Variants in SPIN1 observed in about 807,000 individuals in gnomAD.
The protein encoded by SPIN1 is spindlin-1.
In SPIN1, 3 loss-of-function variants were observed where a neutral mutation model predicts 26.0. The ratio of observed to expected loss-of-function variants is 0.12; its 90% CI spans 0.05 to 0.30. The LOEUF is 0.30. SPIN1 is among the 10% of genes least tolerant of loss of function. The probability of loss-of-function intolerance (pLI) is 1.00; values close to 1 mark genes in which losing one functional copy is unlikely to be tolerated. For missense variants in SPIN1, 126 were observed against 333.4 expected, an observed-to-expected ratio of 0.38 and a Z score of 4.84; for synonymous variants, 101 against 116.5, an observed-to-expected ratio of 0.87 and a Z score of 0.86.
At chr9:88,432,742 C>T (rs1399075449) in intron 2 of SPIN1, among the ~76,000 whole-genome samples, 2 of 152,108 alleles carry the variant, frequency 1.3e-5, no homozygotes, top group Non-Finnish European at 2.9e-5. Context: ...CTGCCTTGAC[C>T]TTCCAAAGTG....
At chr9:88,445,152 G>C (rs533398115) in intron 2 of SPIN1, among the ~76,000 whole-genome samples, 3 of 152,116 alleles carry the variant, frequency 2.0e-5, no homozygotes, top group Non-Finnish European at 2.9e-5. Context: ...GATTGAAAAG[G>C]GTTCTTGACA....
intron 1 of SPIN1, among the ~76,000 whole-genome samples, chr9:88,389,048 T>C (rs1747234957): frequency 6.6e-6 from 1 of 151,364 alleles, no homozygotes; most frequent in African/African-American, 2.4e-5. Context: ...ACGGGTCGGG[T>C]CACCCCGGGG....
chr9:88,396,898 A>G (rs1827074300), intron 1 of SPIN1, among the ~76,000 whole-genome samples: 1 of 152,074 alleles, frequency 6.6e-6, no homozygotes, highest in Non-Finnish European at 1.5e-5. Flanking sequence ...AGTGCTGTGT[A>G]GGTATTTATT....
At chr9:88,459,125 T>C (rs150404249) in intron 3 of SPIN1, among the ~76,000 whole-genome samples, 1 of 152,226 alleles carries the variant, frequency 6.6e-6, no homozygotes, top group African/African-American at 2.4e-5. Flanking sequence ...ATGACTGAAT[T>C]CTATCCTTAG....
At position 88,462,644 on chromosome 9, in the gene SPIN1, CCTT is replaced by C. The variant is rs1828595826; in HGVS notation, c.254_256del (p.Ser85del). 6.2e-7 allele frequency: 1 copy of C among 1,614,092 alleles called. No individual in the cohort carries two copies. The highest frequency in any genetic ancestry group is 8.5e-7 in the Non-Finnish European group (1 of 1,180,002). ...CGTTCTGGACCAGGTGCCTGTAAAT[CCTT>C]CTTTGTATCTTATAAAATACGATGG... On this transcript the variant is annotated inframe_deletion, in exon 4 of 6. Transcript: ENST00000375859.
In SPIN1 at chr9:88,476,816, C is replaced by A. The variant is rs1379769221; in HGVS notation, c.*1539C>A. 1 of 152,136 alleles carries A rather than the reference C, an allele frequency of 6.6e-6. No homozygotes were observed. Among genetic ancestry groups the A allele is most frequent in the African/African-American group, 2.4e-5 (1 of 41,402 alleles). 9.4% of individuals were successfully genotyped at this position (152,136 alleles called of 1,614,324 possible). ...CCAGTCTCTTGTGGAGATTGGAAAT[C>A]CTCCCTGATATTTGGGCAGAGCCTA... On this transcript the variant is annotated 3_prime_UTR_variant, in exon 6 of 6. Coordinates refer to ENST00000375859, the MANE Select transcript of SPIN1 (RefSeq NM_006717.3).
intron 1 of SPIN1, chr9:88,415,659 T>C (rs1827545138): frequency 6.6e-6 from 1 of 152,264 alleles, no homozygotes; most frequent in Non-Finnish European, 1.5e-5. Context: ...TGGACTCAAG[T>C]GATCTTCCTA....
intron 1 of SPIN1, among the ~76,000 whole-genome samples, chr9:88,417,708 A>C (rs1203924638): frequency 6.6e-6 from 1 of 152,048 alleles, no homozygotes; most frequent in Non-Finnish European, 1.5e-5. Context: ...CCTGACCTCA[A>C]GTGATCCGCT....
intron 2 of SPIN1, among the ~76,000 whole-genome samples, chr9:88,427,134 C>T (rs1827778439): frequency 6.6e-6 from 1 of 152,112 alleles, no homozygotes; most frequent in African/African-American, 2.4e-5. Context: ...ATAGAATACC[C>T]TATAAAATAG....
At chr9:88,402,110 GCCT>G (rs1272985959) in intron 1 of SPIN1, among the ~76,000 whole-genome samples, 1 of 152,070 alleles carries the variant, frequency 6.6e-6, no homozygotes, top group African/African-American at 2.4e-5. Context: ...TCCCGCCTCA[GCCT>G]CCTGAGTAAG....
chr9:88,449,104 G>A, intron 3 of SPIN1, 115 bp downstream of exon 3: 2 of 916,234 alleles, frequency 2.2e-6, no homozygotes, highest in Non-Finnish European at 3.5e-6. Flanking sequence ...CTAGCTCATA[G>A]GAGATGTAGT....
rs559976816 is a variant in SPIN1 at position 88,441,801 on chromosome 9, TA to T, written c.53-7139del. On this transcript the variant is annotated intron_variant, in intron 2 of 5. Transcript: ENST00000375859. ...AAGTTTTTATATTATATTTTTATTA[TA>T]TTTTTGTATTATAAAATATAAAATA... Among the ~76,000 whole-genome samples the T allele has an allele frequency of 2.1e-3, 316 of 148,450 alleles. 6 individuals carry two copies. Among genetic ancestry groups the T allele is most frequent in the Middle Eastern group, 0.011 (3 of 280 alleles).
At position 88,426,454 on chromosome 9, in the gene SPIN1, T is replaced by C; in HGVS notation, c.-86T>C. ...TTGGATGGTGGATTAACCAGAACACTAACATTCTGTGAAAAGTTTCAAATT... is the reference window on the plus strand; with the variant it reads ...TTGGATGGTGGATTAACCAGAACACCAACATTCTGTGAAAAGTTTCAAATT... On this transcript the variant is annotated 5_prime_UTR_variant, in exon 2 of 6. Coordinates refer to ENST00000375859, the MANE Select transcript of SPIN1 (RefSeq NM_006717.3). 1 of 1,122,312 alleles carries C rather than the reference T, an allele frequency of 8.9e-7. No homozygotes were observed. The highest frequency in any genetic ancestry group is 1.3e-6 in the Non-Finnish European group (1 of 753,406). 69.5% of individuals were successfully genotyped at this position (1,122,312 alleles called of 1,614,324 possible).
chr9:88,461,368 T>A (rs1026719360), intron 3 of SPIN1, among the ~76,000 whole-genome samples: 1 of 152,146 alleles, frequency 6.6e-6, no homozygotes, highest in Non-Finnish European at 1.5e-5. Flanking sequence ...TCAGACCCCC[T>A]TGCTTAGTTT....
At position 88,461,031 on chromosome 9, in the gene SPIN1, G is replaced by A. The variant is rs182462439; in HGVS notation, c.102-1465G>A. ...TCTTTTTCCTCCTCAAGATACTTTC[G>A]TATGTTGTCCAACCATGATGCTTCC... On this transcript the variant is annotated intron_variant, in intron 3 of 5. Transcript: ENST00000375859. Among the ~76,000 whole-genome samples, 5 of 152,210 alleles carry A rather than the reference G, an allele frequency of 3.3e-5. No individual in the cohort carries two copies. The East Asian group carries it at 5.8e-4, about 18-fold the overall frequency.
intron 2 of SPIN1, among the ~76,000 whole-genome samples, chr9:88,447,395 AT>A (rs1373024523): frequency 6.6e-6 from 1 of 151,888 alleles, no homozygotes; most frequent in Non-Finnish European, 1.5e-5. Flanking sequence ...GTGTCTAATA[AT>A]TTTTGTTGGT....
At chr9:88,400,294 G>A (rs1419099479) in intron 1 of SPIN1, among the ~76,000 whole-genome samples, 5 of 152,160 alleles carry the variant, frequency 3.3e-5, no homozygotes, top group Admixed American at 3.3e-4. Flanking sequence ...GGAGCCTGGA[G>A]GAGTATTTGA....
chr9:88,439,557 T>A (rs1828077100), intron 2 of SPIN1, among the ~76,000 whole-genome samples: 1 of 152,246 alleles, frequency 6.6e-6, no homozygotes, highest in Non-Finnish European at 1.5e-5. Context: ...GAAAGACTTC[T>A]GGTCCCAAGC....
chr9:88,403,126 G>A (rs999888425), intron 1 of SPIN1, among the ~76,000 whole-genome samples: 5 of 151,944 alleles, frequency 3.3e-5, no homozygotes, highest in Non-Finnish European at 4.4e-5. Flanking sequence ...TTTTTAGTGG[G>A]ATTATTATTA....
Sources: gnomAD v4.1 joint callset for allele counts (sites outside exome capture counted in the v4.1 genomes callset) on GRCh38, gnomAD v4.1.1 for gene constraint, MANE v1.5 for transcripts, NCBI Gene and HGNC (gene_info 2026-07-23, HGNC 2026-07-21) for gene names.